MPPED2: variants seen among roughly 807,000 people sequenced by gnomAD.
The protein encoded by MPPED2 is metallophosphoesterase domain containing 2, also known as metallophosphoesterase MPPED2.
A neutral mutation model predicts 33.0 loss-of-function variants in MPPED2; 5 were observed. That is an observed-to-expected ratio of 0.15 (90% CI 0.08 to 0.32). MPPED2 has a LOEUF of 0.32. MPPED2 is among the 10% of genes least tolerant of loss of function. The pLI is 1.00. For missense variants in MPPED2, 275 were observed against 372.1 expected (o/e 0.74, Z 2.15); for synonymous variants, 136 against 141.9 (o/e 0.96, Z 0.29).
At chr11:30,557,150 C>T (rs1039859598) in intron 2 of MPPED2, among the ~76,000 whole-genome samples, 2 of 149,608 alleles carry the variant, frequency 1.3e-5, no homozygotes, top group Non-Finnish European at 2.9e-5. Context: ...GTTTGTGTGC[C>T]TGGCACATAG....
chr11:30,522,297 A>C (rs893656703), intron 3 of MPPED2, among the ~76,000 whole-genome samples: 2 of 152,152 alleles, frequency 1.3e-5, no homozygotes, highest in South Asian at 2.1e-4. Flanking sequence ...ATGTAAATGA[A>C]TATCCATGTT....
chr11:30,480,691 T>C (rs1951445591), intron 4 of MPPED2, among the ~76,000 whole-genome samples: 1 of 152,156 alleles, frequency 6.6e-6, no homozygotes, highest in Admixed American at 6.6e-5. Flanking sequence ...CTAAATTTAC[T>C]TGAAATTTTT....
upstream of MPPED2, chr11:30,586,843 G>A (rs1419791736): frequency 3.3e-5 from 5 of 152,178 alleles, no homozygotes; most frequent in Non-Finnish European, 7.3e-5. The surrounding 1 kb of genome is among the most constrained non-coding windows in gnomAD (Gnocchi z 4.8). Flanking sequence ...CTAGGAAGGC[G>A]ACCCTAGGTT....
At chr11:30,439,338 C>T (rs977862417) in intron 4 of MPPED2, among the ~76,000 whole-genome samples, 1 of 152,112 alleles carries the variant, frequency 6.6e-6, no homozygotes. Context: ...AGTTTTACTC[C>T]ACTTAGGAAG....
At chr11:30,461,780 A>C (rs2134005834) in intron 4 of MPPED2, among the ~76,000 whole-genome samples, 1 of 152,352 alleles carries the variant, frequency 6.6e-6, no homozygotes, top group African/African-American at 2.4e-5. Context: ...TCAGATATTT[A>C]AGCAAAATTC....
At chr11:30,505,298 C>T (rs556445538) in intron 3 of MPPED2, among the ~76,000 whole-genome samples, 1 of 152,328 alleles carries the variant, frequency 6.6e-6, no homozygotes, top group South Asian at 2.1e-4. Context: ...CACACGTACA[C>T]ACTCGCACAT....
chr11:30,477,083 C>T (rs1259608333), intron 4 of MPPED2, among the ~76,000 whole-genome samples: 1 of 152,104 alleles, frequency 6.6e-6, no homozygotes, highest in Admixed American at 6.6e-5. Flanking sequence ...CCCATAACCT[C>T]ATTCTTATTC....
intron 4 of MPPED2, among the ~76,000 whole-genome samples, chr11:30,438,959 A>T (rs750754282): frequency 4.6e-5 from 7 of 152,234 alleles, no homozygotes; most frequent in Non-Finnish European, 8.8e-5. Context: ...TCAGAGAAGG[A>T]ACATGCTAAA....
chr11:30,450,081 C>A (rs1263358134), intron 4 of MPPED2, among the ~76,000 whole-genome samples: 1 of 152,184 alleles, frequency 6.6e-6, no homozygotes, highest in Non-Finnish European at 1.5e-5. Flanking sequence ...TCCTACTAAC[C>A]TTTCTAGTGT....
At chr11:30,445,783 A>C (rs1487535110) in intron 4 of MPPED2, among the ~76,000 whole-genome samples, 1 of 152,158 alleles carries the variant, frequency 6.6e-6, no homozygotes, top group Admixed American at 6.5e-5. Flanking sequence ...ATGTGTTAGG[A>C]TTTCCTTCTG....
At chr11:30,530,914 G>A (rs1262703363) in intron 3 of MPPED2, among the ~76,000 whole-genome samples, 4 of 152,196 alleles carry the variant, frequency 2.6e-5, no homozygotes, top group Admixed American at 6.5e-5. Context: ...TGTACCTTTA[G>A]AGAATGTGGT....
chr11:30,539,356 T>C (rs1173953581), intron 2 of MPPED2, among the ~76,000 whole-genome samples: 3 of 152,080 alleles, frequency 2.0e-5, no homozygotes, highest in Non-Finnish European at 4.4e-5. Context: ...TCCTAGCAAG[T>C]GAGTATCTTA....
intron 2 of MPPED2, among the ~76,000 whole-genome samples, chr11:30,543,615 C>T (rs935155952): frequency 1.3e-5 from 2 of 152,068 alleles, no homozygotes; most frequent in South Asian, 4.1e-4. Flanking sequence ...CACATATAAT[C>T]AGAATTAGCA....
At chr11:30,418,815 C>T (rs371824460) in intron 4 of MPPED2, among the ~76,000 whole-genome samples, 1 of 152,168 alleles carries the variant, frequency 6.6e-6, no homozygotes, top group East Asian at 1.9e-4. Context: ...CAGATTCTTT[C>T]AAGAATTTGA....
intron 2 of MPPED2, among the ~76,000 whole-genome samples, chr11:30,563,024 G>A (rs1004873564): frequency 3.3e-5 from 5 of 151,974 alleles, no homozygotes; most frequent in African/African-American, 1.2e-4. Context: ...TATGCATCAG[G>A]CACTGTACTA....
chr11:30,445,596 G>T (rs72883899), intron 4 of MPPED2, among the ~76,000 whole-genome samples: 4 of 152,112 alleles, frequency 2.6e-5, no homozygotes, highest in Non-Finnish European at 5.9e-5. Flanking sequence ...CCGAAACTAC[G>T]CATTAAATGA....
chr11:30,573,498 T>C (rs904911943), intron 2 of MPPED2, among the ~76,000 whole-genome samples: 5 of 152,196 alleles, frequency 3.3e-5, no homozygotes, highest in African/African-American at 1.2e-4. Flanking sequence ...TCAGGAGGTA[T>C]TCCAGAAGAA....
At chr11:30,473,587 T>C (rs983440123) in intron 4 of MPPED2, among the ~76,000 whole-genome samples, 1 of 152,140 alleles carries the variant, frequency 6.6e-6, no homozygotes, top group Non-Finnish European at 1.5e-5. Context: ...CCATATGTAA[T>C]TGTTCCTCCC....
At chr11:30,431,270 T>G (rs906647689) in intron 4 of MPPED2, among the ~76,000 whole-genome samples, 11 of 152,186 alleles carry the variant, frequency 7.2e-5, no homozygotes, top group Non-Finnish European at 1.5e-4. Flanking sequence ...TATTCTCTGT[T>G]GGTTCACTGT....
Sources: gnomAD v4.1 joint callset for allele counts (sites outside exome capture counted in the v4.1 genomes callset) on GRCh38, gnomAD v4.1.1 for gene constraint, Gnocchi (gnomAD v3.1) non-coding constraint, MANE v1.5 for transcripts, NCBI Gene and HGNC (gene_info 2026-07-23, HGNC 2026-07-21) for gene names.